Variants in CEP131 observed in about 807,000 individuals in gnomAD.
CEP131 encodes centrosomal protein 131, also known as centrosomal protein of 131 kDa.
A neutral mutation model predicts 136.8 loss-of-function variants in CEP131; 99 were observed. That is an observed-to-expected ratio of 0.72 (90% CI 0.62 to 0.86). CEP131 has a LOEUF of 0.86. Ranked by LOEUF, CEP131 falls within the 40% of genes least tolerant of loss-of-function variation. The probability of loss-of-function intolerance (pLI) is 0.00; values close to 1 mark genes in which losing one functional copy is unlikely to be tolerated. For missense variants in CEP131, 1,459 were observed against 1,463.0 expected (o/e 1.00, Z 0.04); for synonymous variants, 646 against 612.7 (o/e 1.05, Z -0.80).
Position 81,215,612 on chromosome 17 carries a change from G to A in CEP131, c.177+4268C>T, listed in dbSNP as rs1282341000. Among the ~76,000 whole-genome samples the A allele has an allele frequency of 2.3e-4, 11 of 46,968 alleles. No individual in the cohort carries two copies. The highest frequency in any genetic ancestry group is 1.2e-4 in the Non-Finnish European group (2 of 16,246). The allele number at this position is 46,968 out of a possible 152,430, so 30.8% of individuals were successfully genotyped here. A position where few individuals can be genotyped will look rare whatever the true frequency, so the allele number is the denominator to read the frequency against. On this transcript the variant is annotated intron_variant, in intron 2 of 25. Transcript: ENST00000450824. This position sits in a 1 kb window ranked among gnomAD's most constrained non-coding sequence, Gnocchi z 4.1. ...TTTTTAGTAGAGACGAGGTTTCACCGTGTTGGCCAGGCTGGTCTCGAACTC... is the reference window on the plus strand; with the variant it reads ...TTTTTAGTAGAGACGAGGTTTCACCATGTTGGCCAGGCTGGTCTCGAACTC...
intron 2 of CEP131, among the ~76,000 whole-genome samples, chr17:81,218,261 T>C (rs1475668699): frequency 6.6e-6 from 1 of 152,210 alleles, no homozygotes; most frequent in Non-Finnish European, 1.5e-5. Context: ...CAGGCTGGTA[T>C]TGAACTCCTG....
chr17:81,192,685 G>GGGGGGGGGGGGGGGCCCCCCC, intron 19 of CEP131, 51 bp downstream of exon 19: 7 of 478,410 alleles, frequency 1.5e-5, no homozygotes, highest in Non-Finnish European at 2.8e-5. Flanking sequence ...GGGGGGAGGG[G>GGGGGGGGGGGGGGGCCCCCCC]TCAGCCAGCG....
At chr17:81,220,979 G>A (rs899274660) in intron 1 of CEP131, among the ~76,000 whole-genome samples, 2 of 151,854 alleles carry the variant, frequency 1.3e-5, no homozygotes, top group Admixed American at 6.6e-5. Context: ...CAAAAAATTA[G>A]CCGGGCGTGG....
chr17:81,194,720 C>T lies in CEP131; in HGVS notation c.2119+150G>A, dbSNP rs1040585589. 1.9e-4 allele frequency: 145 copies of T among 743,974 alleles called. No homozygotes were observed. In the African/African-American group the frequency reaches 2.2e-3, roughly 11 times the overall value. 46.1% of individuals were successfully genotyped at this position (743,974 alleles called of 1,614,324 possible). A position where few individuals can be genotyped will look rare whatever the true frequency, so the allele number is the denominator to read the frequency against. ...TCACGGCAGAAGCCGCAGCGGAGGC[C>T]GTGACGGGGGTGGTTGGGGCATGAG... is the stretch of plus-strand genomic sequence containing the variant. On this transcript the variant is annotated intron_variant, in intron 17 of 25. Transcript: ENST00000450824.
chr17:81,197,833 C>G lies in CEP131; in HGVS notation c.1526G>C (p.Ser509Thr). 6.2e-7 allele frequency: 1 copy of G among 1,613,244 alleles called. No homozygotes were observed. The highest frequency in any genetic ancestry group is 2.2e-5 in the East Asian group (1 of 44,880). ...ATCCTCAGGAGGTTCGGGGAACGCA[C>G]TGAGTTTTCCAAATTTCTCCAAGTT... ...ADNLEKFGKL[S>T]AFPEPPEDGT... is the part of the protein sequence containing the mutation. The change falls in exon 13 of 26, where the codon AGT becomes ACT. Residue 509 changes from serine to threonine, a missense_variant. By Grantham distance (58) the Ser-to-Thr change is moderately conservative (BLOSUM62 1). This residue lies in a region of CEP131 where 1,026 missense variants were observed against 964.2 expected (regional missense o/e 1.06). Transcript: ENST00000450824.
At chr17:81,200,269 C>A in intron 8 of CEP131, 60 bp downstream of exon 8, 1 of 1,354,920 alleles carries the variant, frequency 7.4e-7, no homozygotes, top group East Asian at 2.4e-5. Flanking sequence ...ACTCAAACCC[C>A]TGGGATTCTG....
intron 1 of CEP131, among the ~76,000 whole-genome samples, chr17:81,221,142 A>AG (rs2062380001): frequency 6.6e-6 from 1 of 151,348 alleles, no homozygotes; most frequent in Non-Finnish European, 1.5e-5. Flanking sequence ...AAAAAAAAAA[A>AG]AAAACGCGGG....
At chr17:81,192,916 G>A (rs971410264) in intron 18 of CEP131, 73 bp from the exon 19 acceptor site, 16 of 1,534,714 alleles carry the variant, frequency 1.0e-5, no homozygotes, top group Admixed American at 3.9e-5. Context: ...GCAGGGGCAC[G>A]GGCCGACCAC....
intron 10 of CEP131, among the ~76,000 whole-genome samples, 168 bp downstream of exon 10, chr17:81,199,213 T>A (rs765214599): frequency 6.6e-5 from 10 of 152,270 alleles, no homozygotes; most frequent in Non-Finnish European, 1.5e-4. Context: ...TGTCAAGGTC[T>A]CGGCACCCTC....
chr17:81,199,850 G>C lies in CEP131; in HGVS notation c.907-15C>G, dbSNP rs376827774. 6.8e-6 allele frequency: 11 copies of C among 1,608,550 alleles called. No individual in the cohort carries two copies. The African/African-American group carries it at 1.5e-4, about 21-fold the overall frequency. ...TGCCGCTGCTCCTGCCAAAGAAGCCGGTGCCATGTGGCGTTTACATCTGGA... is the reference window on the plus strand; with the variant it reads ...TGCCGCTGCTCCTGCCAAAGAAGCCCGTGCCATGTGGCGTTTACATCTGGA... On this transcript the variant is annotated splice_polypyrimidine_tract_variant and intron_variant, in intron 8 of 25. Transcript: ENST00000450824.
chr17:81,203,456 G>A lies in CEP131; in HGVS notation c.629+38C>T, dbSNP rs753683881. ...CTGACTACATGCCCTAACTGAGGTC[G>A]GACCCCGCAGCCCCGCGGCCTCCCC... On this transcript the variant is annotated intron_variant, in intron 6 of 25. Coordinates refer to ENST00000450824, the MANE Select transcript of CEP131 (RefSeq NM_014984.4). The surrounding 1 kb of genome is among the most constrained non-coding windows in gnomAD (Gnocchi z 4.6). The A allele has an allele frequency of 4.5e-5, 69 of 1,518,628 alleles. 1 individual carries two copies. The highest frequency in any genetic ancestry group is 4.2e-4 in the Admixed American group (22 of 52,150). 94.1% of individuals were successfully genotyped at this position (1,518,628 alleles called of 1,614,324 possible).
rs1294093884 is a variant in CEP131 at position 81,215,800 on chromosome 17, A to T, written c.177+4080T>A. Among the ~76,000 whole-genome samples the T allele has an allele frequency of 6.6e-6, 1 of 152,218 alleles. No homozygotes were observed. Among genetic ancestry groups the T allele is most frequent in the Non-Finnish European group, 1.5e-5 (1 of 68,042 alleles). On this transcript the variant is annotated intron_variant, in intron 2 of 25. Transcript: ENST00000450824. The surrounding 1 kb of genome is among the most constrained non-coding windows in gnomAD (Gnocchi z 4.1). ...TACAGGCGTATTTACATGTATGCAA[A>T]ATGGCAAAGACACAGGGTATTTGCT...
intron 16 of CEP131, among the ~76,000 whole-genome samples, chr17:81,195,347 C>T (rs1471002129): frequency 6.6e-6 from 1 of 152,210 alleles, no homozygotes; most frequent in East Asian, 1.9e-4. Context: ...TTTTAAAATG[C>T]CAGTGCCAAG....
Position 81,207,112 on chromosome 17 carries a change from T to C in CEP131, c.387+13A>G. 2 of 1,605,442 alleles carry C rather than the reference T, an allele frequency of 1.2e-6. No homozygotes were observed. Among genetic ancestry groups the C allele is most frequent in the Non-Finnish European group, 8.5e-7 (1 of 1,176,402 alleles). ...ACAGAGACCAGGACGTGGGGCCGCA[T>C]GCACCACCTTACCAGGACGTTCCAG... On this transcript the variant is annotated intron_variant, in intron 4 of 25. Coordinates refer to ENST00000450824, the MANE Select transcript of CEP131 (RefSeq NM_014984.4).
rs1443600153 is a variant in CEP131, at chr17:81,214,209, C to T, written c.178-5187G>A. Among the ~76,000 whole-genome samples the T allele has an allele frequency of 2.0e-5, 3 of 152,246 alleles. No homozygotes were observed. In the East Asian group the frequency reaches 5.8e-4, roughly 29 times the overall value. ...GTGCGGTACAGGGGAACACCCTGCA[C>T]TTTCCAATTTTTCTATAAATTTAAA... On this transcript the variant is annotated intron_variant, in intron 2 of 25. Transcript: ENST00000450824.
At chr17:81,204,986 C>T (rs986686721) in intron 5 of CEP131, among the ~76,000 whole-genome samples, 119 of 152,292 alleles carry the variant, frequency 7.8e-4, no homozygotes, top group African/African-American at 2.4e-3. Context: ...AATGGCCGGG[C>T]GCAGTGGCTC....
chr17:81,196,846 G>A lies in CEP131; in HGVS notation c.1774-20C>T. On this transcript the variant is annotated intron_variant, in intron 14 of 25. Transcript: ENST00000450824. ...CTGCGCCTGCAGGGTGTGGGCAGAG[G>A]AGGGAAGCGCTAGGACCGGTGGGCC... 2 of 1,598,738 alleles carry A rather than the reference G, an allele frequency of 1.3e-6. No individual in the cohort carries two copies. The highest frequency in any genetic ancestry group is 1.7e-6 in the Non-Finnish European group (2 of 1,173,622).
chr17:81,192,685 G>GGGCCCCCC, intron 19 of CEP131, 51 bp downstream of exon 19: 1 of 478,434 alleles, frequency 2.1e-6, no homozygotes, highest in Non-Finnish European at 4.1e-6. Context: ...GGGGGGAGGG[G>GGGCCCCCC]TCAGCCAGCG....
At chr17:81,210,122 G>A (rs1483382561) in intron 2 of CEP131, among the ~76,000 whole-genome samples, 1 of 149,384 alleles carries the variant, frequency 6.7e-6, no homozygotes, top group African/African-American at 2.6e-5. Flanking sequence ...AGCGCTTGGG[G>A]AAGTGGCGCT....
Sources: gnomAD v4.1 joint callset for allele counts (sites outside exome capture counted in the v4.1 genomes callset) on GRCh38, gnomAD v4.1.1 for gene constraint, gnomAD v4.1.1 regional missense constraint, Gnocchi (gnomAD v3.1) non-coding constraint, MANE v1.5 for transcripts, NCBI Gene and HGNC (gene_info 2026-07-23, HGNC 2026-07-21) for gene names.